The following FRMD5 variants were observed in gnomAD, a reference collection of about 807,000 sequenced individuals.
FRMD5 encodes FERM domain containing 5.
Under a neutral mutation model 69.0 loss-of-function variants are expected in FRMD5, and 20 were observed. The ratio of observed to expected loss-of-function variants is 0.29; its 90% CI spans 0.20 to 0.42. The LOEUF (loss-of-function observed/expected upper bound fraction) is 0.42, where lower values mean the gene tolerates loss of function less well. FRMD5 is among the 10% of genes least tolerant of loss of function. FRMD5 has a pLI of 1.00. For missense variants in FRMD5, 595 were observed against 708.6 expected (o/e 0.84, Z 1.82); for synonymous variants, 271 against 260.1 (o/e 1.04, Z -0.40).
intron 1 of FRMD5, among the ~76,000 whole-genome samples, chr15:44,177,844 C>A (rs1246420894): frequency 6.6e-6 from 1 of 152,136 alleles, no homozygotes; most frequent in Admixed American, 6.5e-5. Flanking sequence ...AGGTTTGTGG[C>A]TGCCAGAAGC....
At position 44,180,052 on chromosome 15, in the gene FRMD5, T is replaced by TAA. The variant is rs5812269; in HGVS notation, c.102+14899_102+14900dup. Among the ~76,000 whole-genome samples, 44 of 97,470 alleles carry TAA rather than the reference T, an allele frequency of 4.5e-4. 1 individual carries two copies. In the East Asian group the frequency reaches 6.7e-3, roughly 15 times the overall value. The allele number at this position is 97,470 out of a possible 152,430, so 63.9% of individuals were successfully genotyped here. A position where few individuals can be genotyped will look rare whatever the true frequency, so the allele number is the denominator to read the frequency against. ...GACAAGATAGTGAGACTCCATCTCT[T>TAA]AAAAAAAAAAAAAAAAAAAAGGCAA... On this transcript the variant is annotated intron_variant, in intron 1 of 13. Coordinates refer to ENST00000417257, the MANE Select transcript of FRMD5 (RefSeq NM_032892.5).
At chr15:43,911,626 T>C (rs1417861353) in intron 4 of FRMD5, among the ~76,000 whole-genome samples, 3 of 152,168 alleles carry the variant, frequency 2.0e-5, no homozygotes, top group East Asian at 1.9e-4. Context: ...TCCTGACCCA[T>C]AGACACTCTG....
intron 10 of FRMD5, among the ~76,000 whole-genome samples, chr15:43,887,258 C>T (rs528881918): frequency 7.2e-5 from 11 of 152,284 alleles, no homozygotes; most frequent in African/African-American, 2.2e-4. Context: ...ACCCGTGGGA[C>T]CCCAGTTCTT....
chr15:44,185,892 T>C (rs1417436606), intron 1 of FRMD5, among the ~76,000 whole-genome samples: 2 of 152,198 alleles, frequency 1.3e-5, no homozygotes, highest in African/African-American at 4.8e-5. Flanking sequence ...GAGATCCTTA[T>C]GTGAATTCAC....
chr15:43,960,839 T>C (rs949425184), intron 1 of FRMD5, among the ~76,000 whole-genome samples: 7 of 152,226 alleles, frequency 4.6e-5, no homozygotes, highest in Non-Finnish European at 8.8e-5. Flanking sequence ...TCCCATTTTA[T>C]GGCTTAAAGC....
At chr15:43,981,713 A>G (rs765296044) in intron 1 of FRMD5, among the ~76,000 whole-genome samples, 1 of 152,232 alleles carries the variant, frequency 6.6e-6, no homozygotes, top group Non-Finnish European at 1.5e-5. Context: ...CTTCTGCTAG[A>G]TGGTCTCATG....
chr15:43,894,989 G>A (rs2088880289), intron 7 of FRMD5, among the ~76,000 whole-genome samples: 1 of 152,018 alleles, frequency 6.6e-6, no homozygotes, highest in Non-Finnish European at 1.5e-5. Context: ...TCACCATATG[G>A]CCAAGGTGGG....
intron 1 of FRMD5, among the ~76,000 whole-genome samples, chr15:44,076,412 G>T (rs1192387354): frequency 6.8e-6 from 1 of 147,818 alleles, no homozygotes; most frequent in African/African-American, 2.5e-5. Context: ...AGAAAATGTG[G>T]CACATATACA....
chr15:43,981,892 C>T (rs1337509817), intron 1 of FRMD5, among the ~76,000 whole-genome samples: 1 of 152,182 alleles, frequency 6.6e-6, no homozygotes, highest in Admixed American at 6.5e-5. Context: ...AAACCTCTAC[C>T]CTCTCCCCCA....
intron 1 of FRMD5, among the ~76,000 whole-genome samples, chr15:44,100,510 T>C (rs1330008207): frequency 6.6e-6 from 1 of 152,220 alleles, no homozygotes; most frequent in Non-Finnish European, 1.5e-5. Flanking sequence ...ACCCTATGAA[T>C]ACAGTATACT....
At chr15:43,942,274 A>G (rs1395941917) in intron 1 of FRMD5, among the ~76,000 whole-genome samples, 1 of 152,248 alleles carries the variant, frequency 6.6e-6, no homozygotes, top group Non-Finnish European at 1.5e-5. Context: ...AATTTCAACT[A>G]ATGTCTGAAA....
At chr15:44,187,049 T>C (rs902633343) in intron 1 of FRMD5, among the ~76,000 whole-genome samples, 9 of 152,334 alleles carry the variant, frequency 5.9e-5, no homozygotes, top group African/African-American at 2.2e-4. Flanking sequence ...ATTTCTTAAC[T>C]GTTAATGCAC....
intron 1 of FRMD5, among the ~76,000 whole-genome samples, chr15:44,178,280 A>G (rs534482863): frequency 1.1e-4 from 16 of 152,268 alleles, no homozygotes; most frequent in African/African-American, 2.9e-4. Context: ...AGCGGAGATC[A>G]CACCACTGCA....
At chr15:44,178,036 AG>A (rs1412305920) in intron 1 of FRMD5, among the ~76,000 whole-genome samples, 2 of 152,220 alleles carry the variant, frequency 1.3e-5, no homozygotes, top group Non-Finnish European at 2.9e-5. Flanking sequence ...GACTTATAAA[AG>A]GCAAGTTTTG....
intron 1 of FRMD5, among the ~76,000 whole-genome samples, chr15:44,167,997 A>G (rs1441551013): frequency 3.9e-5 from 6 of 152,210 alleles, no homozygotes; most frequent in Non-Finnish European, 5.9e-5. Context: ...CACTGATACT[A>G]ATATAAGTTA....
chr15:44,016,870 G>A (rs1375572069), intron 1 of FRMD5, among the ~76,000 whole-genome samples: 4 of 149,602 alleles, frequency 2.7e-5, no homozygotes, highest in East Asian at 2.0e-4. Context: ...GGTCTCACTC[G>A]GTTTTGCAGG....
At chr15:44,004,324 C>T (rs563356700) in intron 1 of FRMD5, among the ~76,000 whole-genome samples, 46 of 152,254 alleles carry the variant, frequency 3.0e-4, no homozygotes, top group South Asian at 2.1e-3. Context: ...TTTTATTGTG[C>T]TTCACTTTAT....
rs369461378 is a variant in FRMD5 at position 43,934,100 on chromosome 15, C to T, written c.103-9791G>A. ...AGAATTCTGTCTTGGCTGTCAAGAC[C>T]AGCCTTCTCCTTTCTCTCCTTTTCC... On this transcript the variant is annotated intron_variant, in intron 1 of 13. Coordinates refer to ENST00000417257, the MANE Select transcript of FRMD5 (RefSeq NM_032892.5). Among the ~76,000 whole-genome samples the T allele has an allele frequency of 7.2e-5, 11 of 152,294 alleles. No homozygotes were observed. In the East Asian group the frequency reaches 1.5e-3, roughly 21 times the overall value.
At chr15:44,137,659 G>A (rs2077206803) in intron 1 of FRMD5, among the ~76,000 whole-genome samples, 1 of 152,056 alleles carries the variant, frequency 6.6e-6, no homozygotes, top group Non-Finnish European at 1.5e-5. Flanking sequence ...CCATCAAAAT[G>A]ACAATAAATT....
Sources: allele counts gnomAD v4.1 joint callset (sites outside exome capture counted in the v4.1 genomes callset), GRCh38; gene constraint gnomAD v4.1.1; transcripts MANE v1.5; gene names NCBI Gene and HGNC (gene_info 2026-07-23, HGNC 2026-07-21).